Variants in PLD3 observed in about 807,000 individuals in gnomAD.
PLD3 encodes the protein 5'-3' exonuclease PLD3.
PLD3 carries 31 observed loss-of-function variants against 58.4 expected under a neutral mutation model. The observed-to-expected ratio is 0.53, with a 90% CI of 0.40 to 0.72. The LOEUF (loss-of-function observed/expected upper bound fraction) is 0.72. Ranked by LOEUF, PLD3 falls within the 30% of genes least tolerant of loss-of-function variation. The pLI is 0.00. For synonymous variants in PLD3, 264 were observed against 273.4 expected (o/e 0.97, Z 0.34); for missense variants, 595 against 659.8 (o/e 0.90, Z 1.08).
chr19:40,357,085 A>G (rs775567132), intron 1 of PLD3: 11 of 152,232 alleles, frequency 7.2e-5, no homozygotes, highest in Admixed American at 1.3e-4. Flanking sequence ...TTGCAAAACC[A>G]GTGTTCTGTT....
chr19:40,368,349 A>T (rs2078980832), intron 6 of PLD3, among the ~76,000 whole-genome samples: 1 of 152,184 alleles, frequency 6.6e-6, no homozygotes, highest in Non-Finnish European at 1.5e-5. Context: ...GGACTAATCC[A>T]TGCAAATTTT....
chr19:40,366,335 G>A (rs1481800470), intron 2 of PLD3, 84 bp from the exon 3 acceptor site: 1 of 745,222 alleles, frequency 1.3e-6, no homozygotes, highest in African/African-American at 1.7e-5. Flanking sequence ...ATTATGAATA[G>A]CCCCAAGACT....
chr19:40,350,463 G>A (rs1024519921), intron 1 of PLD3, among the ~76,000 whole-genome samples: 5 of 151,904 alleles, frequency 3.3e-5, no homozygotes, highest in African/African-American at 7.3e-5. Context: ...AAAATATCTC[G>A]GCCTGGCGCA....
chr19:40,369,895 C>T lies in PLD3; in HGVS notation c.430-13C>T, dbSNP rs751369502. Reference sequence around the variant, plus strand: ...GCTGGTCCAGCCCCTCAGAAGCTCTCCCCTCCCCGCAGGGTGAGGAGGTCC... The same window carrying T: ...GCTGGTCCAGCCCCTCAGAAGCTCTTCCCTCCCCGCAGGGTGAGGAGGTCC... On this transcript the variant is annotated splice_polypyrimidine_tract_variant and intron_variant, in intron 6 of 12. Coordinates refer to ENST00000409735, the MANE Select transcript of PLD3 (RefSeq NM_012268.4). 1 of 1,547,062 alleles carries T rather than the reference C, an allele frequency of 6.5e-7. No individual in the cohort carries two copies. The highest frequency in any genetic ancestry group is 1.2e-5 in the South Asian group (1 of 83,430).
chr19:40,373,825 A>C (rs2079125718), intron 9 of PLD3, among the ~76,000 whole-genome samples: 1 of 151,746 alleles, frequency 6.6e-6, no homozygotes, highest in South Asian at 2.1e-4. Context: ...CATCTCCACT[A>C]AAAATACAAA....
intron 11 of PLD3, 77 bp from the exon 12 acceptor site, chr19:40,377,709 A>C: frequency 9.7e-7 from 1 of 1,032,560 alleles, no homozygotes; most frequent in Non-Finnish European, 1.5e-6. Flanking sequence ...CTCGCTCCAC[A>C]CTCTGCTCCC....
chr19:40,360,668 G>C (rs568547517), intron 1 of PLD3: 5 of 150,524 alleles, frequency 3.3e-5, no homozygotes, highest in African/African-American at 1.2e-4. Flanking sequence ...AGGGCCATGC[G>C]CCTCCAGAAG....
chr19:40,368,272 T>A lies in PLD3; in HGVS notation c.429+393T>A, dbSNP rs370211688. ...GGCCACCTCTTCTCTCCAGCTTCAG[T>A]TTCTTTATCTGTAAAATGGGGCCAA... On this transcript the variant is annotated intron_variant, in intron 6 of 12. Coordinates refer to ENST00000409735, the MANE Select transcript of PLD3 (RefSeq NM_012268.4). Among the ~76,000 whole-genome samples, 17 of 152,222 alleles carry A rather than the reference T, an allele frequency of 1.1e-4. 1 individual carries two copies. The highest frequency in any genetic ancestry group is 4.1e-4 in the African/African-American group (17 of 41,540).
At chr19:40,375,152 T>A (rs2079162942) in intron 10 of PLD3, among the ~76,000 whole-genome samples, 1 of 151,508 alleles carries the variant, frequency 6.6e-6, no homozygotes, top group Non-Finnish European at 1.5e-5. Context: ...AGAGCAAGAC[T>A]CTGTCTCAAA....
Position 40,374,523 on chromosome 19 carries a change from C to G in PLD3, c.922C>G (p.Leu308Val), listed in dbSNP as rs1480756011. Residue 308 changes from leucine to valine, a missense_variant, in exon 10 of 13, where the codon CTG (leucine) becomes GTG (valine). By Grantham distance (32) the Leu-to-Val change is conservative. Coordinates refer to ENST00000409735, the MANE Select transcript of PLD3 (RefSeq NM_012268.4). ...GTGTCCAAGTGGCCGCACTCCAGAC[C>G]TGAAGGCTCTACTCAACGTGGTGGA... ...PLCPSGRTPD[L>V]KALLNVVDNA... The G allele has an allele frequency of 6.2e-7, 1 of 1,614,090 alleles. No homozygotes were observed. Among genetic ancestry groups the G allele is most frequent in the Non-Finnish European group, 8.5e-7 (1 of 1,180,044 alleles).
intron 9 of PLD3, among the ~76,000 whole-genome samples, chr19:40,373,526 G>A (rs1318163413): frequency 1.3e-5 from 2 of 149,182 alleles, no homozygotes; most frequent in Non-Finnish European, 3.0e-5. Context: ...GCAGGGAGCC[G>A]AGATTGCACC....
intron 9 of PLD3, among the ~76,000 whole-genome samples, chr19:40,372,633 ATTT>A (rs58157604): frequency 9.2e-5 from 13 of 141,726 alleles, no homozygotes; most frequent in Non-Finnish European, 1.2e-4. Context: ...ATTTCTTTCT[ATTT>A]TTTTTTTTTT....
At chr19:40,370,797 C>T (rs2079049320) in intron 8 of PLD3, 1 of 153,626 alleles carries the variant, frequency 6.5e-6, no homozygotes, top group Non-Finnish European at 1.4e-5. Context: ...ACCTGCGCAC[C>T]CATTTGATCT....
intron 10 of PLD3, among the ~76,000 whole-genome samples, chr19:40,374,982 C>T (rs1019417635): frequency 6.6e-5 from 10 of 151,512 alleles, no homozygotes; most frequent in African/African-American, 2.4e-4. Context: ...ATGGTGAAAT[C>T]CCATCTCTCC....
At chr19:40,377,180 G>A (rs1299324468) in intron 11 of PLD3, among the ~76,000 whole-genome samples, 23 of 139,224 alleles carry the variant, frequency 1.7e-4, no homozygotes, top group Admixed American at 3.6e-4. Flanking sequence ...AGGGGTCGGG[G>A]CCAGGATGGA....
chr19:40,353,486 T>C (rs957551940), intron 1 of PLD3, among the ~76,000 whole-genome samples: 13 of 152,152 alleles, frequency 8.5e-5, no homozygotes, highest in Non-Finnish European at 1.6e-4. Context: ...AAGCAGGTAA[T>C]TTCCCTGAGC....
rs747119463 is a variant in PLD3, at chr19:40,367,692, C to G, written c.246-4C>G. ...TATGGCTGATAGCATCCCCCACCCC[C>G]CAGAGCAGTGCTGGTGGAAAGCATT... On this transcript the variant is annotated splice_polypyrimidine_tract_variant and splice_region_variant and intron_variant, in intron 5 of 12. Coordinates refer to ENST00000409735, the MANE Select transcript of PLD3 (RefSeq NM_012268.4). 67 of 1,604,414 alleles carry G rather than the reference C, an allele frequency of 4.2e-5. No individual in the cohort carries two copies. Among genetic ancestry groups the G allele is most frequent in the Middle Eastern group, 1.7e-4 (1 of 6,044 alleles).
Position 40,366,896 on chromosome 19 carries a change from C to G in PLD3, c.226C>G (p.Pro76Ala), listed in dbSNP as rs138674695. Residue 76 changes from proline (P) to alanine (A), a missense_variant, in exon 5 of 13, where the codon CCC becomes GCC. Physicochemically the swap from Pro to Ala is conservative, Grantham distance 27. Transcript: ENST00000409735. ...CTTTGGGCCCAACCAGCGCCCAGCC[C>G]CCTGCTATGACCCTTGCGAGTAAGT... ...HLFGPNQRPA[P>A]CYDPCEAVLV... 7.6e-4 allele frequency: 1,222 copies of G among 1,610,478 alleles called. 2 individuals carry two copies. The highest frequency in any genetic ancestry group is 1.3e-3 in the Middle Eastern group (8 of 6,022).
intron 9 of PLD3, 92 bp from the exon 10 acceptor site, chr19:40,374,389 G>A: frequency 2.9e-6 from 4 of 1,376,800 alleles, no homozygotes; most frequent in South Asian, 1.3e-5. Flanking sequence ...GAGATCCACA[G>A]TACCTGGCTT....
Sources: allele counts gnomAD v4.1 joint callset (sites outside exome capture counted in the v4.1 genomes callset), GRCh38; gene constraint gnomAD v4.1.1; transcripts MANE v1.5; gene names NCBI Gene and HGNC (gene_info 2026-07-23, HGNC 2026-07-21).